CNTN3: variants seen among roughly 807,000 people sequenced by gnomAD.
The protein encoded by CNTN3 is contactin-3.
In CNTN3, 60 loss-of-function variants were observed where a neutral mutation model predicts 119.1. The observed-to-expected ratio is 0.50, with a 90% CI of 0.41 to 0.62. CNTN3 has a LOEUF of 0.62. Among genes scored for constraint, CNTN3 ranks in the 20% least tolerant of loss-of-function variants. The pLI, the probability that CNTN3 is intolerant of heterozygous loss-of-function variation, is 0.00. For missense variants in CNTN3, 1,101 were observed against 1,242.4 expected (o/e 0.89, Z 1.71); for synonymous variants, 450 against 438.7 (o/e 1.03, Z -0.32).
At chr3:74,334,664 GAC>G in intron 13 of CNTN3, 69 bp downstream of exon 13, 1 of 1,375,826 alleles carries the variant, frequency 7.3e-7, no homozygotes, top group Non-Finnish European at 1.0e-6. Flanking sequence ...CTATATGTCA[GAC>G]AGTTTTCAGA....
At position 74,411,215 on chromosome 3, in the gene CNTN3, TA is replaced by T. The variant is rs11368414; in HGVS notation, c.454+13629del. ...ATGGAAGAATAACATTTAAAATAGG[TA>T]AAAAAAAAGTCACTCTATTTGAAGA... On this transcript the variant is annotated intron_variant, in intron 5 of 22. Transcript: ENST00000263665. 5.9e-3 allele frequency among the ~76,000 whole-genome samples: 888 copies of T among 151,252 alleles called. 3 individuals carry two copies. The highest frequency in any genetic ancestry group is 0.01 in the Non-Finnish European group (707 of 67,754).
chr3:74,301,373 A>G, intron 16 of CNTN3, 25 bp downstream of exon 16: 2 of 1,607,304 alleles, frequency 1.2e-6, no homozygotes, highest in South Asian at 2.2e-5. Context: ...CTATTAATCC[A>G]TTACTCAGAA....
At chr3:74,474,805 AG>A (rs1482014352) in intron 4 of CNTN3, among the ~76,000 whole-genome samples, 6 of 152,146 alleles carry the variant, frequency 3.9e-5, no homozygotes, top group Non-Finnish European at 7.4e-5. Context: ...GAAATGGCTT[AG>A]GATCATCCCT....
intron 5 of CNTN3, among the ~76,000 whole-genome samples, chr3:74,403,957 C>A (rs764243762): frequency 6.6e-6 from 1 of 152,058 alleles, no homozygotes; most frequent in Non-Finnish European, 1.5e-5. Flanking sequence ...CCCCCTCCTC[C>A]CTGATGTCTT....
At chr3:74,441,205 T>A (rs1701960303) in intron 4 of CNTN3, among the ~76,000 whole-genome samples, 2 of 152,164 alleles carry the variant, frequency 1.3e-5, no homozygotes. Flanking sequence ...CCCATCAACC[T>A]AATATACAGT....
At chr3:74,530,170 A>G (rs938473691) in intron 1 of CNTN3, among the ~76,000 whole-genome samples, 1 of 151,992 alleles carries the variant, frequency 6.6e-6, no homozygotes, top group Admixed American at 6.6e-5. Context: ...TAGCACACTG[A>G]CCATAAATAT....
At chr3:74,379,358 G>T (rs1476682868) in intron 5 of CNTN3, among the ~76,000 whole-genome samples, 1 of 152,116 alleles carries the variant, frequency 6.6e-6, no homozygotes, top group African/African-American at 2.4e-5. Flanking sequence ...GTTTCGCCAT[G>T]TTGGTCAGGC....
chr3:74,439,225 G>A (rs1455913692), intron 4 of CNTN3, among the ~76,000 whole-genome samples: 1 of 152,144 alleles, frequency 6.6e-6, no homozygotes, highest in Non-Finnish European at 1.5e-5. Flanking sequence ...TGTACAATTA[G>A]GCTGGGTGTG....
chr3:74,499,855 T>C, intron 2 of CNTN3, 70 bp from the exon 3 acceptor site: 1 of 1,463,590 alleles, frequency 6.8e-7, no homozygotes, highest in African/African-American at 1.4e-5. Context: ...CATTCCAGTA[T>C]TGAAGAAAAC....
At chr3:74,460,826 A>T (rs1289683549) in intron 4 of CNTN3, among the ~76,000 whole-genome samples, 18 of 54,618 alleles carry the variant, frequency 3.3e-4, no homozygotes, top group African/African-American at 3.8e-4. Flanking sequence ...TATGCCTTTC[A>T]TTTCTTTCTT....
intron 1 of CNTN3, among the ~76,000 whole-genome samples, chr3:74,524,084 T>C (rs1703581325): frequency 6.6e-6 from 1 of 151,914 alleles, no homozygotes; most frequent in South Asian, 2.1e-4. Flanking sequence ...ATGTGAAAAT[T>C]GTTTCAGGAA....
intron 8 of CNTN3, among the ~76,000 whole-genome samples, chr3:74,368,315 C>A (rs956333557): frequency 6.6e-6 from 1 of 152,020 alleles, no homozygotes; most frequent in East Asian, 1.9e-4. Flanking sequence ...TATCCAAGGA[C>A]GTGTTGCAAG....
chr3:74,541,006 G>A (rs1200063347), intron 1 of CNTN3, among the ~76,000 whole-genome samples: 2 of 152,052 alleles, frequency 1.3e-5, no homozygotes, highest in Non-Finnish European at 2.9e-5. Context: ...ACCAAAAAGA[G>A]TAACATCAAA....
chr3:74,409,108 G>A (rs1215332203), intron 5 of CNTN3, among the ~76,000 whole-genome samples: 1 of 152,160 alleles, frequency 6.6e-6, no homozygotes, highest in Non-Finnish European at 1.5e-5. Flanking sequence ...TCATGTTAAA[G>A]TAAATAAGAA....
At chr3:74,414,810 T>A (rs1348570350) in intron 5 of CNTN3, among the ~76,000 whole-genome samples, 1 of 152,040 alleles carries the variant, frequency 6.6e-6, no homozygotes, top group South Asian at 2.1e-4. Flanking sequence ...AAGCAACCAA[T>A]GTTTTATTGC....
chr3:74,353,300 T>C (rs760963036), intron 11 of CNTN3, among the ~76,000 whole-genome samples: 4 of 152,204 alleles, frequency 2.6e-5, no homozygotes, highest in Non-Finnish European at 5.9e-5. Flanking sequence ...TCCTGGTTAT[T>C]TGCAAAAGTT....
At chr3:74,344,868 TACACACACAC>T (rs59061088) in intron 11 of CNTN3, among the ~76,000 whole-genome samples, 1 of 148,740 alleles carries the variant, frequency 6.7e-6, no homozygotes, top group African/African-American at 2.5e-5. Context: ...TGTATACGTA[TACACACACAC>T]ACACACACAC....
chr3:74,483,656 T>G (rs747278462), intron 4 of CNTN3, among the ~76,000 whole-genome samples: 8 of 152,060 alleles, frequency 5.3e-5, no homozygotes, highest in African/African-American at 7.2e-5. Context: ...TTTTTGCATT[T>G]CTCTGTGGGA....
intron 1 of CNTN3, among the ~76,000 whole-genome samples, chr3:74,587,507 T>C (rs1704615308): frequency 6.6e-6 from 1 of 152,084 alleles, no homozygotes; most frequent in South Asian, 2.1e-4. Context: ...AATGGGCAGA[T>C]TCCATCTGCC....
Sources: gnomAD v4.1 joint callset for allele counts (sites outside exome capture counted in the v4.1 genomes callset) on GRCh38, gnomAD v4.1.1 for gene constraint, MANE v1.5 for transcripts, NCBI Gene and HGNC (gene_info 2026-07-23, HGNC 2026-07-21) for gene names.